Variants in MDFIC2 observed in about 807,000 individuals in gnomAD.
MDFIC2 encodes the protein MyoD family inhibitor domain containing 2.
At chr3:70,227,227 A>G (rs1701516597) in intron 2 of MDFIC2, among the ~76,000 whole-genome samples, 1 of 152,198 alleles carries the variant, frequency 6.6e-6, no homozygotes, top group African/African-American at 2.4e-5. Flanking sequence ...ACTGGATTAT[A>G]GTTGTTCTTA....
chr3:70,208,449 T>C (rs1023337876), intron 2 of MDFIC2, among the ~76,000 whole-genome samples: 65 of 152,198 alleles, frequency 4.3e-4, no homozygotes, highest in African/African-American at 1.4e-3. Flanking sequence ...TCTAAGGCAA[T>C]GGGTTCTAGA....
At chr3:70,209,914 C>G (rs922129723) in intron 2 of MDFIC2, among the ~76,000 whole-genome samples, 2 of 152,048 alleles carry the variant, frequency 1.3e-5, no homozygotes, top group African/African-American at 2.4e-5. Context: ...ATTACAGCTG[C>G]TTTATCCCAT....
intron 2 of MDFIC2, among the ~76,000 whole-genome samples, chr3:70,244,315 T>G (rs1203334131): frequency 6.6e-6 from 1 of 152,204 alleles, no homozygotes; most frequent in Non-Finnish European, 1.5e-5. Context: ...AGTGTAGACT[T>G]TTTCATGTTT....
At chr3:70,287,683 G>C (rs1277809920) in intron 2 of MDFIC2, among the ~76,000 whole-genome samples, 1 of 152,002 alleles carries the variant, frequency 6.6e-6, no homozygotes, top group Non-Finnish European at 1.5e-5. Flanking sequence ...GAATCCGTCT[G>C]GTCCTGGACT....
chr3:70,214,658 C>T (rs1249987524), intron 2 of MDFIC2, among the ~76,000 whole-genome samples: 1 of 150,794 alleles, frequency 6.6e-6, no homozygotes, highest in East Asian at 2.0e-4. Flanking sequence ...AGTTTTCTGC[C>T]CGCCACTATA....
intron 2 of MDFIC2, among the ~76,000 whole-genome samples, chr3:70,225,924 C>A (rs187805025): frequency 6.2e-4 from 95 of 152,274 alleles, no homozygotes; most frequent in Non-Finnish European, 1.3e-3. Context: ...GTTCCCTCGC[C>A]ATCTACCAAG....
chr3:70,222,355 A>G (rs1447664751), intron 2 of MDFIC2, among the ~76,000 whole-genome samples: 2 of 152,222 alleles, frequency 1.3e-5, no homozygotes, highest in African/African-American at 4.8e-5. Context: ...GCTCATTGCT[A>G]AGAGCTCATT....
At chr3:70,264,965 C>T (rs1701902460) in intron 2 of MDFIC2, among the ~76,000 whole-genome samples, 1 of 152,148 alleles carries the variant, frequency 6.6e-6, no homozygotes, top group African/African-American at 2.4e-5. Context: ...GAATGAGGAG[C>T]AAAGTCACAT....
rs1701530324 is a variant in MDFIC2 at position 70,228,602 on chromosome 3, G to A, written c.89-21812C>T. Among the ~76,000 whole-genome samples the A allele has an allele frequency of 2.0e-5, 3 of 150,946 alleles. No homozygotes were observed. The South Asian group carries it at 6.2e-4, about 31-fold the overall frequency. On this transcript the variant is annotated intron_variant, in intron 2 of 3. Coordinates refer to ENST00000567252, the MANE Select transcript of MDFIC2 (RefSeq NM_001364677.1). ...AAAATATTTCAGAGTCGACTTACTG[G>A]AACCTGATGAAACATTTAAGTTTTC...
chr3:70,276,314 T>C lies in MDFIC2; in HGVS notation c.88+35572A>G, dbSNP rs369839572. Among the ~76,000 whole-genome samples the C allele has an allele frequency of 2.4e-4, 36 of 152,328 alleles. No individual in the cohort carries two copies. The South Asian group carries it at 7.2e-3, about 31-fold the overall frequency. Reference sequence around the variant, plus strand: ...TATATACTGTCATTTTAAATAACTTTATATTATTCCATCTTATGAACACAC... The same window carrying C: ...TATATACTGTCATTTTAAATAACTTCATATTATTCCATCTTATGAACACAC... On this transcript the variant is annotated intron_variant, in intron 2 of 3. Transcript: ENST00000567252.
chr3:70,309,447 A>AT (rs1702436310), intron 2 of MDFIC2, among the ~76,000 whole-genome samples: 1 of 152,208 alleles, frequency 6.6e-6, no homozygotes, highest in Non-Finnish European at 1.5e-5. Flanking sequence ...GAGGGAAAAA[A>AT]ACAGAGAAGT....
At chr3:70,219,683 T>C (rs1006247289) in intron 2 of MDFIC2, among the ~76,000 whole-genome samples, 2 of 152,174 alleles carry the variant, frequency 1.3e-5, no homozygotes, top group Non-Finnish European at 2.9e-5. Context: ...AGAATTAAAA[T>C]CTGCATCAGA....
intron 3 of MDFIC2, 117 bp downstream of exon 3, chr3:70,206,452 T>G: frequency 2.5e-6 from 1 of 395,012 alleles, no homozygotes; most frequent in Non-Finnish European, 4.5e-6. Flanking sequence ...CAAATCGAAG[T>G]CTTCGTGTTT....
At position 70,208,221 on chromosome 3, in the gene MDFIC2, T is replaced by C. The variant is rs1437667200; in HGVS notation, c.89-1431A>G. Among the ~76,000 whole-genome samples, 12 of 152,234 alleles carry C rather than the reference T, an allele frequency of 7.9e-5. 2 individuals carry two copies. The South Asian group carries it at 1.7e-3, about 21-fold the overall frequency. On this transcript the variant is annotated intron_variant, in intron 2 of 3. Coordinates refer to ENST00000567252, the MANE Select transcript of MDFIC2 (RefSeq NM_001364677.1). ...ACTGGGACGTGGTCAAGAGGTGTCC[T>C]TGGGAATTGCATTCCCATTGTTAAC... is the stretch of plus-strand genomic sequence containing the variant.
At chr3:70,247,573 C>T (rs1216936354) in intron 2 of MDFIC2, among the ~76,000 whole-genome samples, 4 of 151,804 alleles carry the variant, frequency 2.6e-5, no homozygotes, top group Non-Finnish European at 5.9e-5. Flanking sequence ...ATCAATGCCA[C>T]AACTCAATTC....
chr3:70,232,250 C>T (rs1191812092), intron 2 of MDFIC2, among the ~76,000 whole-genome samples: 1 of 152,164 alleles, frequency 6.6e-6, no homozygotes, highest in Non-Finnish European at 1.5e-5. Context: ...TTTGGACACA[C>T]CAAGTAGCTA....
At chr3:70,240,772 C>T (rs2106641230) in intron 2 of MDFIC2, among the ~76,000 whole-genome samples, 2 of 152,174 alleles carry the variant, frequency 1.3e-5, no homozygotes, top group Middle Eastern at 6.8e-3. Flanking sequence ...AGCCACAAGT[C>T]TGAGTTATTT....
rs1034576105 is a variant in MDFIC2 at position 70,194,831 on chromosome 3, G to A, written c.*2095C>T. On this transcript the variant is annotated 3_prime_UTR_variant, in exon 4 of 4. Coordinates refer to ENST00000567252, the MANE Select transcript of MDFIC2 (RefSeq NM_001364677.1). Reference sequence around the variant, plus strand: ...AATGATACCAGGTACCATATTATAGGAATAGGGTTCCAGAGACCCCCAGGT... The same window carrying A: ...AATGATACCAGGTACCATATTATAGAAATAGGGTTCCAGAGACCCCCAGGT... 6.6e-6 allele frequency among the ~76,000 whole-genome samples: 1 copy of A among 152,114 alleles called. No homozygotes were observed. Among genetic ancestry groups the A allele is most frequent in the Non-Finnish European group, 1.5e-5 (1 of 68,028 alleles).
intron 3 of MDFIC2, among the ~76,000 whole-genome samples, chr3:70,200,473 A>G (rs1041213923): frequency 5.3e-5 from 8 of 152,158 alleles, no homozygotes; most frequent in African/African-American, 1.9e-4. Context: ...GCCTTTGCAC[A>G]TGCTGTGTTT....
Sources: gnomAD v4.1 joint callset for allele counts (sites outside exome capture counted in the v4.1 genomes callset) on GRCh38, gnomAD v4.1.1 for gene constraint, MANE v1.5 for transcripts, NCBI Gene and HGNC (gene_info 2026-07-23, HGNC 2026-07-21) for gene names.